RAB37: variants seen among roughly 807,000 people sequenced by gnomAD.
The protein encoded by RAB37 is ras-related protein Rab-37.
Under a neutral mutation model 33.1 loss-of-function variants are expected in RAB37, and 29 were observed. That is an observed-to-expected ratio of 0.88 (90% CI 0.65 to 1.20). The LOEUF (loss-of-function observed/expected upper bound fraction) is 1.20, where lower values mean the gene tolerates loss of function less well. Ranked by LOEUF, RAB37 falls within the 50% of genes most tolerant of loss-of-function variation. RAB37 has a pLI of 0.00. For missense variants in RAB37, 299 were observed against 301.1 expected (o/e 0.99, Z 0.05); for synonymous variants, 128 against 119.5 (o/e 1.07, Z -0.47).
intron 1 of RAB37, among the ~76,000 whole-genome samples, chr17:74,685,859 T>C (rs1164989887): frequency 6.6e-6 from 1 of 152,216 alleles, no homozygotes; most frequent in East Asian, 1.9e-4. Context: ...TTCAAGACCC[T>C]GCGTGCAGAG....
Position 74,729,264 on chromosome 17 carries a change from G to A in RAB37, c.81G>A (p.Leu27=), listed in dbSNP as rs149644193. 3 of 1,613,354 alleles carry A rather than the reference G, an allele frequency of 1.9e-6. No individual in the cohort carries two copies. The highest frequency in any genetic ancestry group is 2.7e-5 in the African/African-American group (2 of 74,862). ...CTATTGTTCCCTTCCAGACCATCCT[G>A]GTGGGTGACAGTGGTGTGGGAAAGA... The change falls in exon 2 of 8, where the codon CTG becomes CTA. Residue 27 remains leucine, a synonymous_variant. Coordinates refer to the RAB37 transcript ENST00000340415. This position sits in a 1 kb window ranked among gnomAD's most constrained non-coding sequence, Gnocchi z 4.2.
At chr17:74,735,017 GGAAGA>G (rs2034449435), upstream of RAB37, among the ~76,000 whole-genome samples, 1 of 93,796 alleles carries the variant, frequency 1.1e-5, no homozygotes, top group Non-Finnish European at 2.2e-5. Context: ...AAGGAAGGAA[GGAAGA>G]AAGAAAGAAA....
Position 74,742,306 on chromosome 17 carries a change from A to C in RAB37, c.246+11A>C. ...AGAGTGAAGCTGCAGGTGAGACCAG[A>C]GGCTGGAGTTGGGGAGGGAGGATGG... is the stretch of plus-strand genomic sequence containing the variant. On this transcript the variant is annotated intron_variant, in intron 3 of 8. Coordinates refer to ENST00000392613, the MANE Select transcript of RAB37 (RefSeq NM_001006638.3). The surrounding 1 kb of genome is among the most constrained non-coding windows in gnomAD (Gnocchi z 4.0). 1 of 1,609,224 alleles carries C rather than the reference A, an allele frequency of 6.2e-7. No homozygotes were observed. The highest frequency in any genetic ancestry group is 8.5e-7 in the Non-Finnish European group (1 of 1,176,398).
intron 1 of RAB37, among the ~76,000 whole-genome samples, chr17:74,711,748 C>T (rs1015020455): frequency 1.3e-5 from 2 of 152,162 alleles, no homozygotes; most frequent in African/African-American, 4.8e-5. Context: ...GGACCCTCTT[C>T]AGGGGGGTTG....
chr17:74,736,556 G>A (rs1312437946), upstream of RAB37: 55 of 1,480,278 alleles, frequency 3.7e-5, no homozygotes, highest in Non-Finnish European at 4.5e-5. Context: ...CCGCCTTCAG[G>A]AGCGGTCCAC....
intron 1 of RAB37, among the ~76,000 whole-genome samples, chr17:74,685,908 G>A (rs369671825): frequency 9.2e-5 from 14 of 152,298 alleles, no homozygotes; most frequent in African/African-American, 1.4e-4. Flanking sequence ...GTTAGTCACC[G>A]TTAATTGGGT....
chr17:74,679,720 C>G (rs904070939), intron 1 of RAB37, among the ~76,000 whole-genome samples: 2 of 152,090 alleles, frequency 1.3e-5, no homozygotes, highest in Admixed American at 6.6e-5. Context: ...TGCTTCATGC[C>G]TGTAATCCCA....
At chr17:74,740,409 C>T (rs921275438) in intron 1 of RAB37, among the ~76,000 whole-genome samples, 1 of 152,158 alleles carries the variant, frequency 6.6e-6, no homozygotes, top group Non-Finnish European at 1.5e-5. Context: ...GGGACGGAAT[C>T]CCTGCATGGT....
In RAB37 at chr17:74,729,299, T is replaced by C. The variant is rs762560479; in HGVS notation, c.116T>C (p.Leu39Pro). 2 of 1,613,996 alleles carry C rather than the reference T, an allele frequency of 1.2e-6. No individual in the cohort carries two copies. ...AGTGGTGTGGGAAAGACGTCTCTGC[T>C]GGTTCAGTTCGATCAGGGCAAGTTC... The change falls in exon 2 of 8, where the codon CTG (leucine) becomes CCG (proline). Residue 39 changes from leucine to proline, a missense_variant. Coordinates refer to the RAB37 transcript ENST00000340415. The surrounding 1 kb of genome is among the most constrained non-coding windows in gnomAD (Gnocchi z 4.2).
chr17:74,743,507 G>C (rs909924118), intron 5 of RAB37, among the ~76,000 whole-genome samples, 167 bp downstream of exon 5: 1 of 152,182 alleles, frequency 6.6e-6, no homozygotes, highest in African/African-American at 2.4e-5. Flanking sequence ...CTTTGTATTT[G>C]GTGGCCATGT....
chr17:74,725,770 C>G (rs867630457), intron 1 of RAB37, among the ~76,000 whole-genome samples: 1 of 151,908 alleles, frequency 6.6e-6, no homozygotes, highest in Admixed American at 6.5e-5. Flanking sequence ...ATTACAGGTG[C>G]CTGCCATCAC....
At chr17:74,739,398 C>T (rs886476226) in intron 1 of RAB37, among the ~76,000 whole-genome samples, 2 of 152,162 alleles carry the variant, frequency 1.3e-5, no homozygotes, top group African/African-American at 4.8e-5. Flanking sequence ...GCCCGCACTA[C>T]CCACAGCAAC....
intron 1 of RAB37, among the ~76,000 whole-genome samples, chr17:74,689,272 G>A (rs566498797): frequency 7.2e-5 from 11 of 152,062 alleles, no homozygotes; most frequent in East Asian, 5.8e-4. Context: ...GTGAAGCCCC[G>A]TTTCTACTAA....
intron 1 of RAB37, chr17:74,698,573 C>T: frequency 1.3e-6 from 2 of 1,526,884 alleles, no homozygotes; most frequent in African/African-American, 1.4e-5. Flanking sequence ...GAGGGCCACA[C>T]ACCTGATGAG....
At chr17:74,683,012 T>C (rs895034698) in intron 1 of RAB37, among the ~76,000 whole-genome samples, 3 of 152,234 alleles carry the variant, frequency 2.0e-5, no homozygotes, top group Non-Finnish European at 4.4e-5. Flanking sequence ...AGGGCAAGGC[T>C]GAGTCCCAGC....
intron 1 of RAB37, among the ~76,000 whole-genome samples, chr17:74,718,921 A>C (rs1198920863): frequency 6.6e-6 from 1 of 152,180 alleles, no homozygotes; most frequent in Non-Finnish European, 1.5e-5. Flanking sequence ...TACCTTTATT[A>C]GGGCATTTTA....
intron 1 of RAB37, among the ~76,000 whole-genome samples, chr17:74,728,460 C>A (rs1313123020): frequency 1.3e-5 from 2 of 148,932 alleles, no homozygotes; most frequent in Non-Finnish European, 3.0e-5. Flanking sequence ...ACAAGTGTGT[C>A]TGTGTCTGTA....
chr17:74,697,755 C>A (rs2032634319), intron 1 of RAB37, among the ~76,000 whole-genome samples: 1 of 152,160 alleles, frequency 6.6e-6, no homozygotes, highest in South Asian at 2.1e-4. Context: ...AGCTAGTTCA[C>A]AAAGGGCAAG....
chr17:74,676,355 A>C lies in RAB37; in HGVS notation c.72+4697A>C, dbSNP rs1039707288. ...AAGACTGGGGGTGGGGGGCAGAAAAACGTGAGCTGCTCATCCATTCATCCA... is the reference window on the plus strand; with the variant it reads ...AAGACTGGGGGTGGGGGGCAGAAAACCGTGAGCTGCTCATCCATTCATCCA... On this transcript the variant is annotated intron_variant, in intron 1 of 7. Transcript: ENST00000340415. This position sits in a 1 kb window ranked among gnomAD's most constrained non-coding sequence, Gnocchi z 4.1. 6.6e-6 allele frequency among the ~76,000 whole-genome samples: 1 copy of C among 151,942 alleles called. No individual in the cohort carries two copies.
Sources: allele counts gnomAD v4.1 joint callset (sites outside exome capture counted in the v4.1 genomes callset), GRCh38; gene constraint gnomAD v4.1.1; non-coding constraint Gnocchi (gnomAD v3.1); transcripts MANE v1.5; gene names NCBI Gene and HGNC (gene_info 2026-07-23, HGNC 2026-07-21).